The following MAGI3 variants were observed in gnomAD, a reference collection of about 807,000 sequenced individuals.
The protein encoded by MAGI3 is membrane associated guanylate kinase, WW and PDZ domain containing 3, also known as membrane-associated guanylate kinase, WW and PDZ domain-containing protein 3.
MAGI3 carries 43 observed loss-of-function variants against 121.8 expected under a neutral mutation model. That is an observed-to-expected ratio of 0.35 (90% confidence interval 0.28 to 0.46). MAGI3 has a LOEUF of 0.46. Ranked by LOEUF, MAGI3 falls within the 20% of genes least tolerant of loss-of-function variation. The pLI, the probability that MAGI3 is intolerant of heterozygous loss-of-function variation, is 1.00. For missense variants in MAGI3, 1,547 were observed against 1,797.3 expected (o/e 0.86, Z 2.52); for synonymous variants, 553 against 639.3 (o/e 0.86, Z 2.04).
At chr1:113,395,191 T>C (rs1651045094) in intron 1 of MAGI3, among the ~76,000 whole-genome samples, 1 of 146,980 alleles carries the variant, frequency 6.8e-6, no homozygotes. Flanking sequence ...GGTAAGAGAA[T>C]TTAGAGTTAA....
intron 10 of MAGI3, 131 bp downstream of exon 10, chr1:113,642,647 G>C: frequency 9.8e-7 from 1 of 1,018,856 alleles, no homozygotes; most frequent in Non-Finnish European, 1.4e-6. Context: ...TTTCCTTAAG[G>C]TTCTGTCTGA....
At chr1:113,636,220 T>C (rs1445927101) in intron 9 of MAGI3, among the ~76,000 whole-genome samples, 1 of 152,180 alleles carries the variant, frequency 6.6e-6, no homozygotes, top group East Asian at 1.9e-4. Context: ...TTTGTGTCTC[T>C]ATTTCCTTCA....
intron 16 of MAGI3, among the ~76,000 whole-genome samples, chr1:113,669,325 G>A (rs1334096670): frequency 6.6e-6 from 1 of 152,208 alleles, no homozygotes. Context: ...CAATCAAGGA[G>A]TTCAGAGTCT....
At chr1:113,610,445 A>G (rs1008230707) in intron 6 of MAGI3, among the ~76,000 whole-genome samples, 1 of 152,044 alleles carries the variant, frequency 6.6e-6, no homozygotes, top group Non-Finnish European at 1.5e-5. Context: ...TTTAACTACA[A>G]TGTCTCTCAA....
chr1:113,439,406 A>G (rs370617910), intron 1 of MAGI3, among the ~76,000 whole-genome samples: 21 of 152,300 alleles, frequency 1.4e-4, no homozygotes, highest in African/African-American at 3.9e-4. Context: ...TACTGAGAGC[A>G]TATTTCTGCT....
At position 113,508,142 on chromosome 1, in the gene MAGI3, C is replaced by G. The variant is rs529523800; in HGVS notation, c.317-41373C>G. 4.6e-5 allele frequency among the ~76,000 whole-genome samples: 7 copies of G among 152,200 alleles called. No homozygotes were observed. The East Asian group carries it at 9.6e-4, about 21-fold the overall frequency. ...AAAAATTATATAGAATTAAAATTTC[C>G]AAACAAGTCTCAACTCTTGTTTGCA... On this transcript the variant is annotated intron_variant, in intron 1 of 20. Coordinates refer to ENST00000307546, the MANE Select transcript of MAGI3 (RefSeq NM_001142782.2).
chr1:113,656,413 CTTTTTCT>C (rs1364214569), intron 15 of MAGI3, among the ~76,000 whole-genome samples: 1 of 149,478 alleles, frequency 6.7e-6, no homozygotes, highest in East Asian at 1.9e-4. Flanking sequence ...TCAGTATTTT[CTTTTTCT>C]TTTTTTTTTT....
intron 7 of MAGI3, among the ~76,000 whole-genome samples, chr1:113,618,951 A>G (rs1368108802): frequency 2.0e-5 from 3 of 152,044 alleles, no homozygotes; most frequent in Non-Finnish European, 2.9e-5. Flanking sequence ...TTCTTAACCA[A>G]CTCCACTTAA....
At chr1:113,608,857 C>T (rs1649951648) in intron 6 of MAGI3, among the ~76,000 whole-genome samples, 2 of 152,150 alleles carry the variant, frequency 1.3e-5, no homozygotes, top group African/African-American at 4.8e-5. Context: ...AGGACTGATC[C>T]AGCTTTTTCC....
At chr1:113,671,931 T>A (rs756346753) in intron 17 of MAGI3, 95 bp downstream of exon 17, 287 of 1,081,504 alleles carry the variant, frequency 2.7e-4, no homozygotes, top group Non-Finnish European at 3.6e-4. Flanking sequence ...TCCACCCCCA[T>A]GCAGTAATGC....
intron 6 of MAGI3, among the ~76,000 whole-genome samples, chr1:113,594,812 C>T (rs1648897050): frequency 6.6e-6 from 1 of 152,118 alleles, no homozygotes; most frequent in African/African-American, 2.4e-5. Context: ...AATACATTTG[C>T]CCTTTTTTGA....
chr1:113,461,979 C>T (rs1175417161), intron 1 of MAGI3, among the ~76,000 whole-genome samples: 1 of 152,154 alleles, frequency 6.6e-6, no homozygotes, highest in Non-Finnish European at 1.5e-5. Context: ...CTTAATATCA[C>T]TGATCATTAG....
At chr1:113,605,664 A>G (rs906155518) in intron 6 of MAGI3, among the ~76,000 whole-genome samples, 5 of 151,952 alleles carry the variant, frequency 3.3e-5, no homozygotes, top group African/African-American at 1.2e-4. Flanking sequence ...CAGTGGCGCA[A>G]TCTTGGATCA....
At chr1:113,641,092 T>G (rs12745499) in intron 9 of MAGI3, among the ~76,000 whole-genome samples, 1 of 9,450 alleles carries the variant, frequency 1.1e-4, no homozygotes, top group Non-Finnish European at 2.5e-4. Flanking sequence ...AGATATATAT[T>G]ATATATATGA....
At chr1:113,598,222 A>ACCC (rs142358447) in intron 6 of MAGI3, among the ~76,000 whole-genome samples, 2 of 114,908 alleles carry the variant, frequency 1.7e-5, no homozygotes, top group Non-Finnish European at 3.6e-5. Context: ...CCATCCCCCC[A>ACCC]CCCCCCCTCC....
intron 1 of MAGI3, among the ~76,000 whole-genome samples, chr1:113,541,054 A>G (rs2101655540): frequency 6.6e-6 from 1 of 151,622 alleles, no homozygotes; most frequent in South Asian, 2.1e-4. Flanking sequence ...TTCTGATTAT[A>G]AATGCATTAA....
chr1:113,562,735 T>C (rs1278043544), intron 2 of MAGI3, among the ~76,000 whole-genome samples: 1 of 152,158 alleles, frequency 6.6e-6, no homozygotes, highest in Non-Finnish European at 1.5e-5. Context: ...AGCTAATGAA[T>C]GCTGGGCTTA....
chr1:113,463,892 G>T (rs1655150699), intron 1 of MAGI3, among the ~76,000 whole-genome samples: 2 of 152,004 alleles, frequency 1.3e-5, no homozygotes, highest in South Asian at 2.1e-4. Flanking sequence ...TATAATAGAG[G>T]TACATAGTTT....
At chr1:113,465,546 C>G (rs1156265315) in intron 1 of MAGI3, among the ~76,000 whole-genome samples, 1 of 151,778 alleles carries the variant, frequency 6.6e-6, no homozygotes, top group East Asian at 1.9e-4. Context: ...AAGAGTGTTA[C>G]TGGTATTTTG....
Sources: allele counts gnomAD v4.1 joint callset (sites outside exome capture counted in the v4.1 genomes callset), GRCh38; gene constraint gnomAD v4.1.1; transcripts MANE v1.5; gene names NCBI Gene and HGNC (gene_info 2026-07-23, HGNC 2026-07-21).